Variants in FARS2 observed in about 807,000 individuals in gnomAD.
FARS2 encodes phenylalanyl-tRNA synthetase 2, mitochondrial.
A neutral mutation model predicts 46.4 loss-of-function variants in FARS2; 40 were observed. The ratio of observed to expected loss-of-function variants is 0.86; its 90% CI spans 0.67 to 1.12. The LOEUF is 1.12. FARS2 is among the 50% of genes most tolerant of loss of function. The pLI is 0.00. For synonymous variants in FARS2, 234 were observed against 214.9 expected (o/e 1.09, Z -0.78); for missense variants, 513 against 567.9 (o/e 0.90, Z 0.98).
intron 6 of FARS2, among the ~76,000 whole-genome samples, chr6:5,721,770 G>A (rs1759927267): frequency 6.6e-6 from 1 of 152,218 alleles, no homozygotes; most frequent in African/African-American, 2.4e-5. Context: ...GTCAGTTCTT[G>A]AAGTGGCAGG....
At position 5,618,105 on chromosome 6, in the gene FARS2, G is replaced by A. The variant is rs150755960; in HGVS notation, c.1217+4785G>A. Among the ~76,000 whole-genome samples the A allele has an allele frequency of 2.8e-3, 422 of 152,296 alleles. 4 individuals are homozygous for A. The highest frequency in any genetic ancestry group is 9.0e-3 in the African/African-American group (373 of 41,560). On this transcript the variant is annotated intron_variant, in intron 6 of 6. Transcript: ENST00000274680. ...AATATAAACAAAGGAGCCTGGTTGT[G>A]TTCCAATGAAGCTTTGACTACAATA...
intron 1 of FARS2, among the ~76,000 whole-genome samples, chr6:5,327,698 A>G (rs1188028549): frequency 6.6e-6 from 1 of 152,174 alleles, no homozygotes. Flanking sequence ...CTTTATTAGC[A>G]CTGTGAGAAC....
chr6:5,652,238 A>G (rs1335289829), intron 6 of FARS2, among the ~76,000 whole-genome samples: 1 of 152,162 alleles, frequency 6.6e-6, no homozygotes, highest in African/African-American at 2.4e-5. Context: ...AGAGAGACCC[A>G]CCAAAGGAAC....
chr6:5,369,262 G>C (rs1326086855), intron 2 of FARS2, 80 bp downstream of exon 2: 2 of 1,388,612 alleles, frequency 1.4e-6, no homozygotes, highest in Non-Finnish European at 2.0e-6. Context: ...AGCTCGATGA[G>C]ACCAGCATAG....
At chr6:5,490,464 A>G (rs973981399) in intron 4 of FARS2, among the ~76,000 whole-genome samples, 5 of 152,170 alleles carry the variant, frequency 3.3e-5, no homozygotes, top group Middle Eastern at 3.2e-3. Context: ...TTTCTAAAAT[A>G]TTGTTAATAG....
In FARS2 at chr6:5,764,250, G is replaced by A. The variant is rs931363152; in HGVS notation, c.1218-7041G>A. ...AGTCGCACAGCTAGCAAAGGGCAGA[G>A]CAGGAATTAGAACCAAGTTTCTCTA... On this transcript the variant is annotated intron_variant, in intron 6 of 6. Coordinates refer to ENST00000274680, the MANE Select transcript of FARS2 (RefSeq NM_006567.5). This position sits in a 1 kb window ranked among gnomAD's most constrained non-coding sequence, Gnocchi z 4.1. Among the ~76,000 whole-genome samples the A allele has an allele frequency of 6.6e-6, 1 of 152,076 alleles. No individual in the cohort carries two copies. The highest frequency in any genetic ancestry group is 1.5e-5 in the Non-Finnish European group (1 of 68,028).
intron 6 of FARS2, among the ~76,000 whole-genome samples, chr6:5,709,697 T>TGTGCGC (rs148741094): frequency 0.49 from 44,966 of 90,934 alleles, 8,776 homozygotes; most frequent in East Asian, 0.8. Flanking sequence ...TGTGTGTGTG[T>TGTGCGC]GCGCATGCAC....
intron 1 of FARS2, among the ~76,000 whole-genome samples, chr6:5,304,678 G>A (rs749737485): frequency 7.2e-5 from 11 of 152,124 alleles, no homozygotes; most frequent in South Asian, 2.1e-4. Flanking sequence ...TTGTTGGCGC[G>A]TTTGTGTATT....
At chr6:5,430,896 C>T in intron 3 of FARS2, 145 bp from the exon 4 acceptor site, 1 of 755,388 alleles carries the variant, frequency 1.3e-6, no homozygotes, top group Non-Finnish European at 2.1e-6. Flanking sequence ...TTGCCTCACC[C>T]TAACATGTTG....
At chr6:5,424,164 T>C (rs906476533) in intron 3 of FARS2, among the ~76,000 whole-genome samples, 1 of 152,072 alleles carries the variant, frequency 6.6e-6, no homozygotes, top group Non-Finnish European at 1.5e-5. Context: ...AAGCCCTGGA[T>C]CTTTGTCTGG....
intron 4 of FARS2, chr6:5,457,028 A>C (rs1582161632): frequency 6.6e-6 from 1 of 152,304 alleles, no homozygotes; most frequent in African/African-American, 2.4e-5. Context: ...GTGATCCTCT[A>C]CTGTGTGCAA....
At chr6:5,599,026 T>C (rs1019430902) in intron 5 of FARS2, among the ~76,000 whole-genome samples, 1 of 152,184 alleles carries the variant, frequency 6.6e-6, no homozygotes, top group African/African-American at 2.4e-5. Flanking sequence ...CAGTTTTACC[T>C]TGCAGCATAT....
At chr6:5,391,137 A>G (rs998503960) in intron 2 of FARS2, among the ~76,000 whole-genome samples, 1 of 152,196 alleles carries the variant, frequency 6.6e-6, no homozygotes, top group Admixed American at 6.5e-5. Context: ...AATCCTATTC[A>G]TCTGACCCTA....
intron 6 of FARS2, among the ~76,000 whole-genome samples, chr6:5,714,790 C>T (rs747131292): frequency 3.3e-5 from 5 of 151,874 alleles, no homozygotes; most frequent in Admixed American, 6.6e-5. Flanking sequence ...TTTGGGAGGC[C>T]GAGGTGGGTG....
At chr6:5,374,109 A>G (rs1351594623) in intron 2 of FARS2, among the ~76,000 whole-genome samples, 4 of 152,202 alleles carry the variant, frequency 2.6e-5, no homozygotes, top group Admixed American at 6.5e-5. Flanking sequence ...ATGTTCTTCA[A>G]AACAATGTGG....
intron 1 of FARS2, among the ~76,000 whole-genome samples, chr6:5,268,230 T>C (rs1388050859): frequency 2.6e-5 from 4 of 151,690 alleles, no homozygotes; most frequent in African/African-American, 9.7e-5. Context: ...TTGTCAATTT[T>C]GGCTTTTGTT....
intron 1 of FARS2, among the ~76,000 whole-genome samples, chr6:5,338,487 A>G (rs781541580): frequency 1.8e-4 from 27 of 152,142 alleles, no homozygotes; most frequent in Non-Finnish European, 2.5e-4. Flanking sequence ...CAGAGTTCAT[A>G]TGGAACGTGG....
At chr6:5,695,494 G>C (rs1012149676) in intron 6 of FARS2, among the ~76,000 whole-genome samples, 1 of 152,252 alleles carries the variant, frequency 6.6e-6, no homozygotes, top group Non-Finnish European at 1.5e-5. Context: ...AACACTTCCT[G>C]TGTGCCGTGC....
intron 1 of FARS2, among the ~76,000 whole-genome samples, chr6:5,299,128 A>G (rs1418948662): frequency 4.6e-5 from 7 of 152,158 alleles, no homozygotes; most frequent in Non-Finnish European, 7.4e-5. Flanking sequence ...GCTTGCCTAG[A>G]TTTCAGTACA....
Sources: allele counts gnomAD v4.1 joint callset (sites outside exome capture counted in the v4.1 genomes callset), GRCh38; gene constraint gnomAD v4.1.1; non-coding constraint Gnocchi (gnomAD v3.1); transcripts MANE v1.5; gene names NCBI Gene and HGNC (gene_info 2026-07-23, HGNC 2026-07-21).